The following ZNF804A variants were observed in gnomAD, a reference collection of about 807,000 sequenced individuals.
ZNF804A encodes zinc finger protein 804A.
In ZNF804A, 2 loss-of-function variants were observed where a neutral mutation model predicts 16.5. The observed-to-expected ratio is 0.12, with a 90% CI of 0.05 to 0.38. ZNF804A has a LOEUF of 0.38. Among genes scored for constraint, ZNF804A ranks in the 10% least tolerant of loss-of-function variants. The pLI, the probability that ZNF804A is intolerant of heterozygous loss-of-function variation, is 0.99. For synonymous variants in ZNF804A, 534 were observed against 489.6 expected, an observed-to-expected ratio of 1.09 and a Z score of -1.20; for missense variants, 1,473 against 1,390.7, an observed-to-expected ratio of 1.06 and a Z score of -0.94.
At chr2:184,756,955 A>G (rs895011347) in intron 1 of ZNF804A, among the ~76,000 whole-genome samples, 1 of 152,064 alleles carries the variant, frequency 6.6e-6, no homozygotes, top group Non-Finnish European at 1.5e-5. Context: ...TCAGTCTTCC[A>G]TCTTTCTAAA....
intron 1 of ZNF804A, among the ~76,000 whole-genome samples, chr2:184,714,240 T>C (rs939886966): frequency 6.6e-6 from 1 of 152,040 alleles, no homozygotes; most frequent in Non-Finnish European, 1.5e-5. Flanking sequence ...CCTCTTACTT[T>C]GCTTTCTGTT....
At chr2:184,601,746 T>C (rs1257600351) in intron 1 of ZNF804A, among the ~76,000 whole-genome samples, 1 of 151,500 alleles carries the variant, frequency 6.6e-6, no homozygotes, top group African/African-American at 2.4e-5. Flanking sequence ...ATCGCAAATG[T>C]TTTTTTTCTT....
chr2:184,614,777 A>C (rs1691294411), intron 1 of ZNF804A, among the ~76,000 whole-genome samples: 2 of 152,210 alleles, frequency 1.3e-5, no homozygotes. Context: ...ACCAACAAAC[A>C]TGAAAAAAAG....
intron 1 of ZNF804A, among the ~76,000 whole-genome samples, chr2:184,811,478 T>G (rs1694898221): frequency 1.3e-5 from 2 of 152,188 alleles, no homozygotes; most frequent in Non-Finnish European, 2.9e-5. Flanking sequence ...GAACTTTCTT[T>G]TATTTCCTTT....
chr2:184,872,289 T>C (rs959100726), intron 2 of ZNF804A, among the ~76,000 whole-genome samples: 1 of 152,034 alleles, frequency 6.6e-6, no homozygotes, highest in African/African-American at 2.4e-5. Flanking sequence ...GGATTATAGA[T>C]AAAACAAGAA....
intron 1 of ZNF804A, among the ~76,000 whole-genome samples, chr2:184,646,706 T>A (rs1119945): frequency 0.44 from 66,560 of 152,230 alleles, 15,596 homozygotes; most frequent in East Asian, 0.81. Context: ...ATACTCTCCT[T>A]GATTAGGAAT....
chr2:184,766,940 T>C (rs1242346509), intron 1 of ZNF804A, among the ~76,000 whole-genome samples: 1 of 152,042 alleles, frequency 6.6e-6, no homozygotes, highest in Non-Finnish European at 1.5e-5. Flanking sequence ...GGAAAGGCCA[T>C]AATCCAGTAA....
chr2:184,610,905 A>T (rs1169915221), intron 1 of ZNF804A, among the ~76,000 whole-genome samples: 1 of 152,176 alleles, frequency 6.6e-6, no homozygotes, highest in Non-Finnish European at 1.5e-5. Context: ...CTATGTATGG[A>T]TTTACATAAT....
At chr2:184,810,212 A>G (rs182265569) in intron 1 of ZNF804A, among the ~76,000 whole-genome samples, 151 of 152,252 alleles carry the variant, frequency 9.9e-4, no homozygotes, top group African/African-American at 3.5e-3. Flanking sequence ...AACAAATACT[A>G]TATGGTCTCC....
chr2:184,839,396 T>G (rs1020618705), intron 1 of ZNF804A, among the ~76,000 whole-genome samples: 2 of 152,102 alleles, frequency 1.3e-5, no homozygotes, highest in African/African-American at 4.8e-5. Flanking sequence ...TGGACTCCTG[T>G]GCAAAGTTAT....
intron 1 of ZNF804A, among the ~76,000 whole-genome samples, chr2:184,861,591 G>A (rs139496899): frequency 3.6e-4 from 55 of 152,268 alleles, no homozygotes; most frequent in African/African-American, 1.3e-3. Flanking sequence ...ACAACAGTAA[G>A]GAAAACAGGT....
intron 1 of ZNF804A, among the ~76,000 whole-genome samples, chr2:184,642,494 T>A (rs1017277398): frequency 2.1e-4 from 32 of 152,182 alleles, no homozygotes; most frequent in African/African-American, 7.5e-4. Context: ...ATCAACATCT[T>A]CATAACCCGT....
In ZNF804A at chr2:184,747,226, G is replaced by T. The variant is rs573115737; in HGVS notation, c.112-119143G>T. Reference sequence around the variant, plus strand: ...AATACATAGAAAACAAAACAGAAATGAAATTAAGAAATGTTTGAAATAGGG... The same window carrying T: ...AATACATAGAAAACAAAACAGAAATTAAATTAAGAAATGTTTGAAATAGGG... On this transcript the variant is annotated intron_variant, in intron 1 of 3. Coordinates refer to ENST00000302277, the MANE Select transcript of ZNF804A (RefSeq NM_194250.2). Among the ~76,000 whole-genome samples, 20 of 143,126 alleles carry T rather than the reference G, an allele frequency of 1.4e-4. 1 individual carries two copies. In the South Asian group the frequency reaches 4.4e-3, roughly 32 times the overall value. The allele number at this position is 143,126 out of a possible 152,430, so 93.9% of individuals were successfully genotyped here.
intron 2 of ZNF804A, among the ~76,000 whole-genome samples, chr2:184,924,831 C>T (rs573420899): frequency 2.6e-5 from 4 of 151,806 alleles, no homozygotes; most frequent in Admixed American, 2.6e-4. Flanking sequence ...GTTTCATTTT[C>T]CTTTATTTGT....
intron 2 of ZNF804A, among the ~76,000 whole-genome samples, chr2:184,895,801 C>A (rs972930073): frequency 6.6e-6 from 1 of 152,124 alleles, no homozygotes; most frequent in African/African-American, 2.4e-5. Flanking sequence ...TGCAGTAAAT[C>A]TAAAATGTAG....
At chr2:184,812,993 C>T (rs553418144) in intron 1 of ZNF804A, among the ~76,000 whole-genome samples, 2 of 152,070 alleles carry the variant, frequency 1.3e-5, no homozygotes, top group South Asian at 2.1e-4. Context: ...AAAAGAAATG[C>T]CAAAATAAAT....
At chr2:184,695,427 C>G (rs756773933) in intron 1 of ZNF804A, among the ~76,000 whole-genome samples, 1 of 139,138 alleles carries the variant, frequency 7.2e-6, no homozygotes, top group African/African-American at 2.8e-5. Context: ...CGCCACTGCA[C>G]TCCAGTCAGC....
At chr2:184,796,693 T>C (rs1012330166) in intron 1 of ZNF804A, among the ~76,000 whole-genome samples, 3 of 152,178 alleles carry the variant, frequency 2.0e-5, no homozygotes, top group Non-Finnish European at 4.4e-5. Flanking sequence ...TTCTTGTTTC[T>C]CTAGTTCCTT....
intron 1 of ZNF804A, among the ~76,000 whole-genome samples, chr2:184,688,985 T>C (rs1167795641): frequency 5.9e-5 from 9 of 152,190 alleles, no homozygotes; most frequent in Non-Finnish European, 1.3e-4. Context: ...CAAACAGATA[T>C]GTATCTTAAT....
Sources: gnomAD v4.1 joint callset for allele counts (sites outside exome capture counted in the v4.1 genomes callset) on GRCh38, gnomAD v4.1.1 for gene constraint, MANE v1.5 for transcripts, NCBI Gene and HGNC (gene_info 2026-07-23, HGNC 2026-07-21) for gene names.